Variants in NXPE2 observed in about 807,000 individuals in gnomAD.
NXPE2 encodes the protein neurexophilin and PC-esterase domain family member 2, also known as NXPE family member 2.
NXPE2 carries 34 observed loss-of-function variants against 34.4 expected under a neutral mutation model. That is an observed-to-expected ratio of 0.99 (90% CI 0.75 to 1.31). The LOEUF is 1.31. NXPE2 is among the 40% of genes most tolerant of loss of function. NXPE2 has a pLI of 0.00. For missense variants in NXPE2, 649 were observed against 672.5 expected, an observed-to-expected ratio of 0.97 and a Z score of 0.39; for synonymous variants, 235 against 231.3, an observed-to-expected ratio of 1.02 and a Z score of -0.15.
At chr11:114,515,293 T>C in the NXPE2 span, among the ~76,000 whole-genome samples, 20 of 152,208 alleles carry the variant, frequency 1.3e-4, no homozygotes, top group Non-Finnish European at 1.2e-4. Flanking sequence ...TGGGATCTAT[T>C]TGATATGTGG....
chr11:114,584,194 TAAGA>T, the NXPE2 span: 1 of 353,160 alleles, frequency 2.8e-6, no homozygotes, highest in Admixed American at 3.9e-5. Context: ...GCCCTGGAAA[TAAGA>T]AAGAGCTGTG....
chr11:114,601,211 C>T, the NXPE2 span, among the ~76,000 whole-genome samples: 2 of 151,026 alleles, frequency 1.3e-5, no homozygotes, highest in African/African-American at 4.8e-5. Flanking sequence ...TACATTTTAC[C>T]CAATAAGTAA....
chr11:114,616,208 C>T, the NXPE2 span, among the ~76,000 whole-genome samples: 1 of 151,336 alleles, frequency 6.6e-6, no homozygotes, highest in African/African-American at 2.4e-5. Context: ...ACTGCTGTTA[C>T]CTGGTGGATA....
the NXPE2 span, among the ~76,000 whole-genome samples, chr11:114,723,163 A>C: frequency 1.3e-5 from 2 of 152,182 alleles, no homozygotes; most frequent in African/African-American, 4.8e-5. Flanking sequence ...ACTGGATTGG[A>C]GACGGTAACC....
chr11:114,559,043 C>G, the NXPE2 span, among the ~76,000 whole-genome samples: 1 of 152,112 alleles, frequency 6.6e-6, no homozygotes, highest in African/African-American at 2.4e-5. Context: ...ATGAAGAGCT[C>G]TTAAAAACAG....
At chr11:114,625,021 G>C in the NXPE2 span, among the ~76,000 whole-genome samples, 1 of 151,808 alleles carries the variant, frequency 6.6e-6, no homozygotes, top group African/African-American at 2.4e-5. Flanking sequence ...TGGATAGTAA[G>C]TGTTGCCTCG....
At chr11:114,626,757 G>A in the NXPE2 span, among the ~76,000 whole-genome samples, 3 of 152,110 alleles carry the variant, frequency 2.0e-5, no homozygotes, top group African/African-American at 7.2e-5. Context: ...AGGCAAAGAA[G>A]TTGAAAACTT....
chr11:114,662,829 A>G, the NXPE2 span, among the ~76,000 whole-genome samples: 65 of 152,220 alleles, frequency 4.3e-4, no homozygotes, highest in African/African-American at 1.5e-3. Context: ...GAAGGAAAGG[A>G]CCCAGTCCTG....
At chr11:114,700,789 T>A (rs1951351650) in intron 3 of NXPE2, among the ~76,000 whole-genome samples, 1 of 152,192 alleles carries the variant, frequency 6.6e-6, no homozygotes, top group South Asian at 2.1e-4. Context: ...GAATAGAGCA[T>A]ACAGCATTTC....
At chr11:114,495,074 T>C in the NXPE2 span, among the ~76,000 whole-genome samples, 1 of 152,188 alleles carries the variant, frequency 6.6e-6, no homozygotes, top group Non-Finnish European at 1.5e-5. Flanking sequence ...CAAAAGTCTC[T>C]GTCTTTATGC....
chr11:114,493,603 C>T, the NXPE2 span, among the ~76,000 whole-genome samples: 1 of 152,108 alleles, frequency 6.6e-6, no homozygotes, highest in African/African-American at 2.4e-5. Context: ...CAAGAGTAAA[C>T]TAATGTGAAC....
the NXPE2 span, among the ~76,000 whole-genome samples, chr11:114,601,914 T>TA: frequency 7.5e-5 from 3 of 39,784 alleles, no homozygotes; most frequent in Non-Finnish European, 1.0e-4. Flanking sequence ...TATTATATAA[T>TA]TATATATAAT....
At chr11:114,583,021 C>A in the NXPE2 span, 1 of 1,602,616 alleles carries the variant, frequency 6.2e-7, no homozygotes, top group Non-Finnish European at 8.5e-7. Flanking sequence ...GCAGACCAAA[C>A]CTGAAATGAC....
chr11:114,485,395 T>TG, the NXPE2 span, among the ~76,000 whole-genome samples: 97 of 145,084 alleles, frequency 6.7e-4, no homozygotes, highest in African/African-American at 2.5e-3. Flanking sequence ...TTTTTTTTTT[T>TG]TTTTTTTTTT....
chr11:114,659,641 A>G, the NXPE2 span, among the ~76,000 whole-genome samples: 1 of 152,156 alleles, frequency 6.6e-6, no homozygotes, highest in African/African-American at 2.4e-5. Context: ...ATATGAAAAT[A>G]ATATATCAAA....
the NXPE2 span, among the ~76,000 whole-genome samples, chr11:114,642,277 T>C: frequency 1.5e-4 from 23 of 152,036 alleles, 2 homozygotes; most frequent in Admixed American, 1.4e-3. Context: ...AATTGAGGGA[T>C]ACTGTTTATA....
At chr11:114,570,971 A>G in the NXPE2 span, 4 of 1,609,022 alleles carry the variant, frequency 2.5e-6, no homozygotes, top group Non-Finnish European at 3.4e-6. Context: ...TATTAATCTG[A>G]TTTCCGACTA....
the NXPE2 span, among the ~76,000 whole-genome samples, chr11:114,792,996 TCACCTTTG>T: frequency 4.6e-5 from 7 of 152,160 alleles, no homozygotes; most frequent in African/African-American, 1.7e-4. Flanking sequence ...ATATCCTGCT[TCACCTTTG>T]CACAGCTGTG....
the NXPE2 span, among the ~76,000 whole-genome samples, chr11:114,567,673 G>A: frequency 6.6e-6 from 1 of 151,834 alleles, no homozygotes; most frequent in African/African-American, 2.4e-5. Context: ...TAGTTACAAG[G>A]ATGAGAAAGA....
Sources: gnomAD v4.1 joint callset for allele counts (sites outside exome capture counted in the v4.1 genomes callset) on GRCh38, gnomAD v4.1.1 for gene constraint, MANE v1.5 for transcripts, NCBI Gene and HGNC (gene_info 2026-07-23, HGNC 2026-07-21) for gene names.